DACH1: variants seen among roughly 807,000 people sequenced by gnomAD.
DACH1 encodes dachshund family transcription factor 1, also known as dachshund homolog 1.
DACH1 carries 12 observed loss-of-function variants against 54.2 expected under a neutral mutation model. That is an observed-to-expected ratio of 0.22 (90% CI 0.14 to 0.36). DACH1 has a LOEUF of 0.36. DACH1 is among the 10% of genes least tolerant of loss of function. The pLI is 1.00. For synonymous variants in DACH1, 386 were observed against 366.2 expected, an observed-to-expected ratio of 1.05 and a Z score of -0.62; for missense variants, 805 against 929.8, an observed-to-expected ratio of 0.87 and a Z score of 1.75.
At chr13:71,717,809 C>T (rs1462044464) in intron 1 of DACH1, among the ~76,000 whole-genome samples, 1 of 151,924 alleles carries the variant, frequency 6.6e-6, no homozygotes, top group Non-Finnish European at 1.5e-5. Flanking sequence ...ATAAGCTCAT[C>T]AGTCAGATCT....
chr13:71,501,461 C>A (rs1416302823), intron 6 of DACH1, among the ~76,000 whole-genome samples: 1 of 151,430 alleles, frequency 6.6e-6, no homozygotes, highest in African/African-American at 2.4e-5. Context: ...TAAAGTAGAA[C>A]AAAAAAGAAA....
chr13:71,735,317 T>C (rs201960140), intron 1 of DACH1, among the ~76,000 whole-genome samples: 2,186 of 44,222 alleles, frequency 0.049, 385 homozygotes, highest in African/African-American at 0.13. Flanking sequence ...TACGTGTATA[T>C]GGGATATACA....
At chr13:71,495,321 C>A (rs930150480) in intron 6 of DACH1, among the ~76,000 whole-genome samples, 7 of 151,830 alleles carry the variant, frequency 4.6e-5, no homozygotes, top group African/African-American at 1.7e-4. Flanking sequence ...TAGCAAAATA[C>A]TAGAGAATAA....
intron 3 of DACH1, among the ~76,000 whole-genome samples, chr13:71,578,310 A>G (rs1426968081): frequency 6.6e-6 from 1 of 152,176 alleles, no homozygotes; most frequent in African/African-American, 2.4e-5. Context: ...ACTCCATACC[A>G]TTGGAGACCA....
intron 1 of DACH1, among the ~76,000 whole-genome samples, chr13:71,830,176 C>G (rs1484170078): frequency 6.6e-6 from 1 of 151,796 alleles, no homozygotes; most frequent in Non-Finnish European, 1.5e-5. Context: ...ACAACACTAA[C>G]AGATTCAGAA....
chr13:71,600,873 T>C (rs1456849163), intron 3 of DACH1, among the ~76,000 whole-genome samples: 1 of 151,976 alleles, frequency 6.6e-6, no homozygotes, highest in Non-Finnish European at 1.5e-5. Flanking sequence ...CTGAAACAAA[T>C]AAAAAATTCA....
At chr13:71,492,446 T>C (rs1417913422) in intron 6 of DACH1, among the ~76,000 whole-genome samples, 1 of 152,032 alleles carries the variant, frequency 6.6e-6, no homozygotes, top group Non-Finnish European at 1.5e-5. Flanking sequence ...AGGCAGATGT[T>C]AGAATGTTTC....
At chr13:71,652,612 C>T (rs946839510) in intron 2 of DACH1, among the ~76,000 whole-genome samples, 1 of 152,138 alleles carries the variant, frequency 6.6e-6, no homozygotes, top group South Asian at 2.1e-4. Flanking sequence ...CAAATTATCA[C>T]CTCTTAGGAA....
chr13:71,478,711 CA>C (rs561791241), intron 8 of DACH1, among the ~76,000 whole-genome samples: 60 of 152,220 alleles, frequency 3.9e-4, no homozygotes, highest in African/African-American at 1.3e-3. Context: ...TAACTTTGGT[CA>C]TTTGTTCAGA....
At chr13:71,685,901 T>C (rs1442469651) in intron 1 of DACH1, among the ~76,000 whole-genome samples, 2 of 152,182 alleles carry the variant, frequency 1.3e-5, no homozygotes, top group African/African-American at 4.8e-5. Context: ...AAGTGTTTTG[T>C]ATCTTTGTTA....
intron 1 of DACH1, among the ~76,000 whole-genome samples, chr13:71,742,306 A>G (rs1281256067): frequency 6.6e-6 from 1 of 152,158 alleles, no homozygotes; most frequent in Non-Finnish European, 1.5e-5. Context: ...ATTAGTTGGA[A>G]CCCAAGTTTT....
chr13:71,641,951 G>A (rs1023858342), intron 2 of DACH1, among the ~76,000 whole-genome samples: 2 of 152,140 alleles, frequency 1.3e-5, no homozygotes, highest in African/African-American at 4.8e-5. Context: ...CCAATGTGCA[G>A]TATTATATTA....
At chr13:71,845,400 T>A (rs886149766) in intron 1 of DACH1, among the ~76,000 whole-genome samples, 3 of 152,146 alleles carry the variant, frequency 2.0e-5, no homozygotes, top group African/African-American at 7.2e-5. Context: ...TAATACTTTT[T>A]TGCTGTGAAA....
rs1469486397 is a variant in DACH1, at chr13:71,741,912, AAG to A, written c.849-60004_849-60003del. On this transcript the variant is annotated intron_variant, in intron 1 of 10. Transcript: ENST00000613252. ...CGTATAGTCACTTAAAGCAGAAAAAAAGAGAGATAATACAGACTGATATGGTT... is the reference window on the plus strand; with the variant it reads ...CGTATAGTCACTTAAAGCAGAAAAAAAGAGATAATACAGACTGATATGGTT... Among the ~76,000 whole-genome samples the A allele has an allele frequency of 3.3e-5, 5 of 152,228 alleles. No homozygotes were observed. The East Asian group carries it at 5.8e-4, about 18-fold the overall frequency.
At chr13:71,819,451 T>C (rs1379264523) in intron 1 of DACH1, among the ~76,000 whole-genome samples, 1 of 152,208 alleles carries the variant, frequency 6.6e-6, no homozygotes, top group South Asian at 2.1e-4. Flanking sequence ...TAGAGTGTCA[T>C]TGGAGCCTCT....
At chr13:71,483,799 A>T (rs1244954010) in intron 7 of DACH1, among the ~76,000 whole-genome samples, 2 of 152,068 alleles carry the variant, frequency 1.3e-5, no homozygotes, top group Non-Finnish European at 2.9e-5. Flanking sequence ...GTTTAGACAC[A>T]CAAATACTTG....
chr13:71,839,950 T>C (rs1888951592), intron 1 of DACH1, among the ~76,000 whole-genome samples: 1 of 152,182 alleles, frequency 6.6e-6, no homozygotes, highest in Non-Finnish European at 1.5e-5. Context: ...TTTATTTATT[T>C]ATTTTTATTT....
chr13:71,809,222 T>C (rs1256226311), intron 1 of DACH1, among the ~76,000 whole-genome samples: 2 of 152,198 alleles, frequency 1.3e-5, no homozygotes, highest in South Asian at 2.1e-4. Flanking sequence ...TCTCGCTCTG[T>C]TGCCTGGGCT....
chr13:71,618,038 A>C (rs1292081315), intron 3 of DACH1, among the ~76,000 whole-genome samples: 2 of 152,178 alleles, frequency 1.3e-5, no homozygotes, highest in African/African-American at 4.8e-5. Context: ...GTAAGTGACT[A>C]TGATATTAAT....
Sources: allele counts gnomAD v4.1 joint callset (sites outside exome capture counted in the v4.1 genomes callset), GRCh38; gene constraint gnomAD v4.1.1; transcripts MANE v1.5; gene names NCBI Gene and HGNC (gene_info 2026-07-23, HGNC 2026-07-21).